The following MEMO1 variants were observed in gnomAD, a reference collection of about 807,000 sequenced individuals.
MEMO1 encodes mediator of cell motility 1.
A neutral mutation model predicts 45.2 loss-of-function variants in MEMO1; 6 were observed. The ratio of observed to expected loss-of-function variants is 0.13; its 90% confidence interval spans 0.07 to 0.26. The LOEUF is 0.26. MEMO1 is among the 10% of genes least tolerant of loss of function. The pLI, the probability that MEMO1 is intolerant of heterozygous loss-of-function variation, is 1.00. For synonymous variants in MEMO1, 78 were observed against 124.3 expected, an observed-to-expected ratio of 0.63 and a Z score of 2.48; for missense variants, 184 against 370.5, an observed-to-expected ratio of 0.50 and a Z score of 4.13.
At chr2:31,979,389 C>A (rs1670385792) in intron 2 of MEMO1, among the ~76,000 whole-genome samples, 1 of 152,132 alleles carries the variant, frequency 6.6e-6, no homozygotes, top group South Asian at 2.1e-4. Context: ...CAAGAGCTAT[C>A]CCTAATGTTC....
At chr2:31,882,379 C>G (rs1226571981) in intron 8 of MEMO1, among the ~76,000 whole-genome samples, 1 of 151,586 alleles carries the variant, frequency 6.6e-6, no homozygotes, top group African/African-American at 2.4e-5. Context: ...AAATGCAAAT[C>G]AAAACAAAAA....
At chr2:31,989,240 A>AAAAG (rs1176468817) in intron 2 of MEMO1, among the ~76,000 whole-genome samples, 3 of 151,994 alleles carry the variant, frequency 2.0e-5, no homozygotes, top group Admixed American at 6.6e-5. Flanking sequence ...AAAAAAAAAA[A>AAAAG]AAAGAAAGAA....
chr2:31,929,778 A>G (rs916590464), intron 4 of MEMO1, among the ~76,000 whole-genome samples: 1 of 152,252 alleles, frequency 6.6e-6, no homozygotes, highest in Non-Finnish European at 1.5e-5. Context: ...AGAAAGTGGT[A>G]GTATAGAATT....
In MEMO1 at chr2:31,943,283, A is replaced by G. The variant is rs1267221135; in HGVS notation, c.143+19T>C. ...CCTTCTCAAAAAACAAAACAAAAAC[A>G]AAAACAAAAAAGACTTACGGGGCAA... On this transcript the variant is annotated intron_variant, in intron 3 of 9. Coordinates refer to ENST00000404530, the MANE Select transcript of MEMO1 (RefSeq NM_001301833.4). The G allele has an allele frequency of 2.5e-6, 4 of 1,602,114 alleles. No individual in the cohort carries two copies. In the South Asian group the frequency reaches 4.4e-5, roughly 18 times the overall value.
chr2:32,007,929 A>G (rs1347522239), intron 2 of MEMO1, among the ~76,000 whole-genome samples: 1 of 152,188 alleles, frequency 6.6e-6, no homozygotes, highest in Non-Finnish European at 1.5e-5. Flanking sequence ...CTCAAGTTTA[A>G]AAAGTCCCAC....
chr2:31,958,661 T>C lies in MEMO1; in HGVS notation c.62-15278A>G, dbSNP rs1410355511. Among the ~76,000 whole-genome samples the C allele has an allele frequency of 2.6e-5, 4 of 152,280 alleles. No homozygotes were observed. The East Asian group carries it at 7.7e-4, about 29-fold the overall frequency. ...TTTTGTTTTGTTTTGTTTTGTTTCATTTTGTTTTGAGACAAGCTCTGGCTC... is the reference window on the plus strand; with the variant it reads ...TTTTGTTTTGTTTTGTTTTGTTTCACTTTGTTTTGAGACAAGCTCTGGCTC... On this transcript the variant is annotated intron_variant, in intron 2 of 9. Coordinates refer to ENST00000404530, the MANE Select transcript of MEMO1 (RefSeq NM_001301833.4).
chr2:31,920,170 C>G (rs778697327), intron 5 of MEMO1, among the ~76,000 whole-genome samples: 9 of 151,672 alleles, frequency 5.9e-5, no homozygotes, highest in Admixed American at 3.3e-4. Context: ...TACTCCCCCC[C>G]CCAAAAGAAA....
chr2:31,973,060 A>G (rs1669590978), intron 2 of MEMO1, among the ~76,000 whole-genome samples: 1 of 152,188 alleles, frequency 6.6e-6, no homozygotes, highest in African/African-American at 2.4e-5. Flanking sequence ...AGGACTCTAA[A>G]ATGGTGCAGT....
At chr2:31,985,475 G>C (rs1042803138) in intron 2 of MEMO1, among the ~76,000 whole-genome samples, 1 of 152,098 alleles carries the variant, frequency 6.6e-6, no homozygotes, top group East Asian at 1.9e-4. Flanking sequence ...ACAGGCGAGC[G>C]CCACCATGCC....
At chr2:31,875,310 G>C (rs1273793751) in intron 8 of MEMO1, among the ~76,000 whole-genome samples, 15 of 152,042 alleles carry the variant, frequency 9.9e-5, no homozygotes. Context: ...AAGTCAACCT[G>C]GGCTAAGTGG....
chr2:31,944,917 A>C (rs1411865153), intron 2 of MEMO1, among the ~76,000 whole-genome samples: 1 of 152,120 alleles, frequency 6.6e-6, no homozygotes, highest in Non-Finnish European at 1.5e-5. Flanking sequence ...CCACTGCCTA[A>C]ATAAATTAAA....
intron 2 of MEMO1, among the ~76,000 whole-genome samples, chr2:31,946,246 C>G (rs1021976514): frequency 1.3e-5 from 2 of 151,978 alleles, no homozygotes; most frequent in African/African-American, 4.8e-5. Flanking sequence ...GGTATATATT[C>G]CTTGTTTTTA....
At chr2:31,920,270 A>G (rs1171785828) in intron 5 of MEMO1, among the ~76,000 whole-genome samples, 1 of 152,026 alleles carries the variant, frequency 6.6e-6, no homozygotes, top group Non-Finnish European at 1.5e-5. Context: ...ACGCCTATGG[A>G]AAAAAATAAA....
At chr2:31,914,913 T>C (rs562555250) in intron 6 of MEMO1, among the ~76,000 whole-genome samples, 1 of 149,258 alleles carries the variant, frequency 6.7e-6, no homozygotes, top group South Asian at 2.1e-4. Flanking sequence ...GTTATAATTG[T>C]GCCACTGCAC....
intron 6 of MEMO1, among the ~76,000 whole-genome samples, chr2:31,904,665 G>A (rs1316890300): frequency 1.3e-5 from 2 of 152,150 alleles, no homozygotes; most frequent in East Asian, 1.9e-4. Flanking sequence ...CCCACCGTTC[G>A]CATCCTGTTG....
At chr2:31,933,357 AT>A (rs1664518500) in intron 3 of MEMO1, among the ~76,000 whole-genome samples, 2 of 31,506 alleles carry the variant, frequency 6.3e-5, no homozygotes, top group South Asian at 2.6e-3. Context: ...AAATTTATAT[AT>A]ATATATATAT....
At chr2:31,986,766 CA>C (rs1671311892) in intron 2 of MEMO1, among the ~76,000 whole-genome samples, 3 of 151,996 alleles carry the variant, frequency 2.0e-5, no homozygotes, top group Non-Finnish European at 4.4e-5. Context: ...ATAAAAGAAA[CA>C]AACAGAAATA....
At chr2:31,882,057 T>A (rs2147936475) in intron 8 of MEMO1, among the ~76,000 whole-genome samples, 1 of 152,092 alleles carries the variant, frequency 6.6e-6, no homozygotes, top group East Asian at 1.9e-4. Context: ...GGTGGGAGAA[T>A]CGCTTGAGCC....
chr2:31,954,363 C>A (rs1439354235), intron 2 of MEMO1, among the ~76,000 whole-genome samples: 3 of 152,090 alleles, frequency 2.0e-5, no homozygotes, highest in Non-Finnish European at 4.4e-5. Flanking sequence ...GTGGGAGGAT[C>A]ACTTGAAGCC....
Sources: allele counts gnomAD v4.1 joint callset (sites outside exome capture counted in the v4.1 genomes callset), GRCh38; gene constraint gnomAD v4.1.1; transcripts MANE v1.5; gene names NCBI Gene and HGNC (gene_info 2026-07-23, HGNC 2026-07-21).